Variants in FGF14 observed in about 807,000 individuals in gnomAD.
FGF14 encodes the protein fibroblast growth factor 14, also known as fibroblast growth factor homologous factor 4.
Under a neutral mutation model 25.5 loss-of-function variants are expected in FGF14, and 5 were observed. That is an observed-to-expected ratio of 0.20 (90% confidence interval 0.10 to 0.41). The LOEUF (loss-of-function observed/expected upper bound fraction) is 0.41, where lower values mean the gene tolerates loss of function less well. Among genes scored for constraint, FGF14 ranks in the 10% least tolerant of loss-of-function variants. The pLI, the probability that FGF14 is intolerant of heterozygous loss-of-function variation, is 1.00. For missense variants in FGF14, 222 were observed against 320.1 expected (o/e 0.69, Z 2.34); for synonymous variants, 138 against 118.3 (o/e 1.17, Z -1.08).
chr13:101,722,822 A>G lies in FGF14; in HGVS notation c.*9T>C, dbSNP rs1431887477. On this transcript the variant is annotated 3_prime_UTR_variant, in exon 5 of 5. Coordinates refer to ENST00000376143, the MANE Select transcript of FGF14 (RefSeq NM_004115.4). ...GGACGAATAAGTCACAACACCTGTGAGGATCTGGCTATGTTGTCTTACTCT... is the reference window on the plus strand; with the variant it reads ...GGACGAATAAGTCACAACACCTGTGGGGATCTGGCTATGTTGTCTTACTCT... 6.2e-7 allele frequency: 1 copy of G among 1,613,140 alleles called. No individual in the cohort carries two copies. The highest frequency in any genetic ancestry group is 1.1e-5 in the South Asian group (1 of 91,076).
chr13:101,980,691 G>A (rs1002657810), intron 1 of FGF14, among the ~76,000 whole-genome samples: 6 of 152,148 alleles, frequency 3.9e-5, no homozygotes, highest in South Asian at 2.1e-4. Context: ...CTTACCAAGT[G>A]CCAACAAGCC....
chr13:101,916,594 C>T lies in FGF14; in HGVS notation c.52G>A (p.Glu18Lys). 1.3e-6 allele frequency: 2 copies of T among 1,595,046 alleles called. No individual in the cohort carries two copies. The highest frequency in any genetic ancestry group is 1.7e-6 in the Non-Finnish European group (2 of 1,171,078). The change falls in exon 1 of 5, where the codon GAG becomes AAG. Residue 18 changes from glutamate to lysine, a missense_variant. Physicochemically the swap from Glu to Lys is moderately conservative, Grantham distance 56 (BLOSUM62 1). This residue lies in a region of FGF14 where 80 missense variants were observed against 72.2 expected (regional missense o/e 1.11). Coordinates refer to ENST00000376143, the MANE Select transcript of FGF14 (RefSeq NM_004115.4). ...GCAGACGGCCGGTCCCAGTGCTGCT[C>T]CCGCGCCTGCCGCTTCTGGCGGATC... ...GLIRQKRQAREQHWDRPSASR... is the reference protein window; with the variant it reads ...GLIRQKRQARKQHWDRPSASR...
intron 1 of FGF14, among the ~76,000 whole-genome samples, chr13:102,352,284 CA>C (rs1566955813): frequency 1.1e-3 from 151 of 141,404 alleles, no homozygotes; most frequent in Middle Eastern, 3.7e-3. Flanking sequence ...CACACACACA[CA>C]CACACCTGCA....
Position 102,298,884 on chromosome 13 carries a change from A to G in FGF14, c.208+102587T>C, listed in dbSNP as rs931175012. Among the ~76,000 whole-genome samples the G allele has an allele frequency of 2.6e-5, 4 of 152,284 alleles. 1 individual carries two copies. ...GTGACTCTATTTTCTAAGAACTCTT[A>G]AGTAGGAGCGAAGATGAGAACTGAA... is the stretch of plus-strand genomic sequence containing the variant. On this transcript the variant is annotated intron_variant, in intron 1 of 4. Coordinates refer to the FGF14 transcript ENST00000376131.
intron 3 of FGF14, among the ~76,000 whole-genome samples, chr13:101,847,431 T>A (rs1231481932): frequency 6.6e-6 from 1 of 152,082 alleles, no homozygotes; most frequent in Non-Finnish European, 1.5e-5. Context: ...CTCTTTTATC[T>A]CTGAATCAGA....
At chr13:101,768,480 A>G (rs925013479) in intron 3 of FGF14, among the ~76,000 whole-genome samples, 2 of 152,166 alleles carry the variant, frequency 1.3e-5, no homozygotes, top group African/African-American at 4.8e-5. Context: ...ACTAAAGTTT[A>G]CACGGAGAGG....
chr13:102,101,842 T>C (rs186303749), intron 1 of FGF14, among the ~76,000 whole-genome samples: 251 of 152,202 alleles, frequency 1.6e-3, no homozygotes, highest in Middle Eastern at 3.4e-3. Flanking sequence ...GTAGCTGGAA[T>C]TACAGATGCA....
chr13:102,037,682 A>T (rs564149121), intron 1 of FGF14, among the ~76,000 whole-genome samples: 2 of 152,300 alleles, frequency 1.3e-5, no homozygotes, highest in African/African-American at 4.8e-5. Context: ...GCAGTTTGCT[A>T]AATTTGTTAA....
At chr13:102,077,963 G>T (rs1257292797) in intron 1 of FGF14, among the ~76,000 whole-genome samples, 1 of 152,084 alleles carries the variant, frequency 6.6e-6, no homozygotes, top group Non-Finnish European at 1.5e-5. Flanking sequence ...CCTTAAAAAC[G>T]AAGGAAATCT....
chr13:101,977,007 C>T (rs950246061), intron 1 of FGF14, among the ~76,000 whole-genome samples: 3 of 152,132 alleles, frequency 2.0e-5, no homozygotes, highest in Non-Finnish European at 2.9e-5. Context: ...ACACAAATAA[C>T]GTTATAAACT....
intron 1 of FGF14, among the ~76,000 whole-genome samples, chr13:101,964,785 C>T (rs1432471048): frequency 6.6e-6 from 1 of 152,026 alleles, no homozygotes; most frequent in African/African-American, 2.4e-5. Context: ...CAATGGCAAG[C>T]TTCATAAGCC....
At chr13:101,897,047 T>C (rs1188408729) in intron 1 of FGF14, among the ~76,000 whole-genome samples, 2 of 152,162 alleles carry the variant, frequency 1.3e-5, no homozygotes, top group East Asian at 3.9e-4. Context: ...TCCAAACTGA[T>C]TTATATCATT....
intron 1 of FGF14, among the ~76,000 whole-genome samples, chr13:102,329,617 C>T (rs2056571982): frequency 6.6e-6 from 1 of 152,154 alleles, no homozygotes; most frequent in Admixed American, 6.5e-5. Flanking sequence ...TTCATGGTGG[C>T]CTTTCAGTTC....
intron 1 of FGF14, among the ~76,000 whole-genome samples, chr13:101,892,839 G>T (rs1296052034): frequency 6.6e-6 from 1 of 152,186 alleles, no homozygotes; most frequent in Non-Finnish European, 1.5e-5. Context: ...TTTTAGATAA[G>T]AAAGTAGCAT....
chr13:101,919,889 G>C (rs911104822), upstream of FGF14, among the ~76,000 whole-genome samples: 4 of 152,116 alleles, frequency 2.6e-5, no homozygotes, highest in Non-Finnish European at 4.4e-5. Flanking sequence ...CGCAGCGCCT[G>C]AACAGCGGAC....
chr13:102,033,497 GCACA>G (rs71753230), intron 1 of FGF14, among the ~76,000 whole-genome samples: 6,162 of 145,088 alleles, frequency 0.042, 410 homozygotes, highest in African/African-American at 0.16. Context: ...GCGTGTGCAC[GCACA>G]CACACACACA....
intron 3 of FGF14, among the ~76,000 whole-genome samples, chr13:101,794,529 A>G (rs1443921595): frequency 6.6e-6 from 1 of 151,956 alleles, no homozygotes; most frequent in Non-Finnish European, 1.5e-5. Context: ...TATCACAGAC[A>G]GGGCTTCTCT....
Position 102,088,942 on chromosome 13 carries a change from A to T in FGF14, c.209-213646T>A, listed in dbSNP as rs116032637. Among the ~76,000 whole-genome samples, 690 of 152,246 alleles carry T rather than the reference A, an allele frequency of 4.5e-3. 10 individuals carry two copies. Among genetic ancestry groups the T allele is most frequent in the African/African-American group, 0.015 (644 of 41,574 alleles). On this transcript the variant is annotated intron_variant, in intron 1 of 4. Coordinates refer to the FGF14 transcript ENST00000376131. ...GTAGCTTAGGAAACTAAAACACCTA[A>T]CCAGAATTTGGAGCCAAGCTGTCAA...
Position 101,714,835 on chromosome 13 carries a change from A to G in FGF14, c.*7996T>C, listed in dbSNP as rs1011337333. On this transcript the variant is annotated 3_prime_UTR_variant, in exon 5 of 5. Transcript: ENST00000376143. Reference sequence around the variant, plus strand: ...CAAACTCACATGTATGCAGTTGTATATTGAACACAGAAAAGAATTTTGTTG... The same window carrying G: ...CAAACTCACATGTATGCAGTTGTATGTTGAACACAGAAAAGAATTTTGTTG... 4 of 381,288 alleles carry G rather than the reference A, an allele frequency of 1.0e-5. No homozygotes were observed. Among genetic ancestry groups the G allele is most frequent in the African/African-American group, 8.2e-5 (4 of 48,910 alleles). The allele number at this position is 381,288 out of a possible 1,614,324, so 23.6% of individuals were successfully genotyped here.
Sources: allele counts gnomAD v4.1 joint callset (sites outside exome capture counted in the v4.1 genomes callset), GRCh38; gene constraint gnomAD v4.1.1; regional missense constraint gnomAD v4.1.1; transcripts MANE v1.5; gene names NCBI Gene and HGNC (gene_info 2026-07-23, HGNC 2026-07-21).